The following DMD variants were observed in gnomAD, a reference collection of about 807,000 sequenced individuals.
DMD encodes the protein dystrophin.
In DMD, 63 loss-of-function variants were observed where a neutral mutation model predicts 330.1. The observed-to-expected ratio is 0.19, with a 90% CI of 0.16 to 0.24. The LOEUF (loss-of-function observed/expected upper bound fraction) is 0.24. DMD is among the 10% of genes least tolerant of loss of function. DMD has a pLI of 1.00. For synonymous variants in DMD, 1,223 were observed against 959.8 expected (o/e 1.27, Z -5.07); for missense variants, 3,344 against 2,684.1 (o/e 1.25, Z -5.43).
intron 1 of DMD, among the ~76,000 whole-genome samples, chrX:33,081,873 C>T (rs1318295103): frequency 9.0e-6 from 1 of 110,822 alleles, no homozygotes; most frequent in Non-Finnish European, 1.9e-5. Flanking sequence ...TCAAAACCAT[C>T]AGATAACACA....
chrX:33,217,946 C>T (rs2052088700), intron 1 of DMD, among the ~76,000 whole-genome samples: 1 of 111,300 alleles, frequency 9.0e-6, no homozygotes, highest in Non-Finnish European at 1.9e-5. Context: ...CATTTTTACA[C>T]TAGCTAGAAC....
chrX:32,374,487 G>A (rs2097893379), intron 34 of DMD, among the ~76,000 whole-genome samples: 1 of 111,468 alleles, frequency 9.0e-6, no homozygotes, highest in South Asian at 3.7e-4. Flanking sequence ...TGTATATGGT[G>A]AAAGGTAGGG....
At chrX:32,826,416 G>T (rs1043189259) in intron 4 of DMD, among the ~76,000 whole-genome samples, 1 of 111,230 alleles carries the variant, frequency 9.0e-6, no homozygotes, top group Non-Finnish European at 1.9e-5. Flanking sequence ...TCAAAATAGC[G>T]AAGATAGGAA....
chrX:31,729,515 T>C, intron 52 of DMD, 116 bp downstream of exon 52: 1 of 606,796 alleles, frequency 1.6e-6, no homozygotes, highest in Admixed American at 2.2e-5. Context: ...ATTGTTATCA[T>C]TTACAATTAT....
intron 16 of DMD, among the ~76,000 whole-genome samples, chrX:32,549,102 G>A (rs1158308141): frequency 9.0e-6 from 1 of 111,489 alleles, no homozygotes; most frequent in African/African-American, 3.3e-5. Flanking sequence ...TAGTAAAAAT[G>A]GGAAATAGTT....
rs767466673 is a variant in DMD at position 31,363,450 on chromosome X, G to A, written c.9085-14816C>T. ...GGCTGGAGTGCAGTGGCGCCATCTC[G>A]GCTCACTGCAACTTCCGCTTCCCGG... On this transcript the variant is annotated intron_variant, in intron 60 of 78. Coordinates refer to ENST00000357033, the MANE Select transcript of DMD (RefSeq NM_004006.3). Among the ~76,000 whole-genome samples, 8 of 96,934 alleles carry A rather than the reference G, an allele frequency of 8.3e-5. No homozygotes were observed. In the East Asian group the frequency reaches 1.9e-3, roughly 24 times the overall value. The allele number at this position is 96,934 out of a possible 115,157, so 84.2% of individuals were successfully genotyped here. A position where few individuals can be genotyped will look rare whatever the true frequency, so the allele number is the denominator to read the frequency against.
chrX:32,274,848 C>A, intron 43 of DMD, among the ~76,000 whole-genome samples: 1 of 111,849 alleles, frequency 8.9e-6, no homozygotes, highest in Non-Finnish European at 1.9e-5. Flanking sequence ...TGTAAGGAGA[C>A]GCTTTGATAG....
At position 32,645,263 on chromosome X, in the gene DMD, G is replaced by T. The variant is rs751219802; in HGVS notation, c.961-111C>A. The T allele has an allele frequency of 2.4e-4, 199 of 836,382 alleles. No individual in the cohort carries two copies. In the African/African-American group the frequency reaches 3.8e-3, roughly 16 times the overall value. The allele number at this position is 836,382 out of a possible 1,213,427, so 68.9% of individuals were successfully genotyped here. A position where few individuals can be genotyped will look rare whatever the true frequency, so the allele number is the denominator to read the frequency against. On this transcript the variant is annotated intron_variant, in intron 9 of 78. Transcript: ENST00000357033. Reference sequence around the variant, plus strand: ...TTTAAAATGCTAGGACTGTCCACTGGCATTATCAAACACAGGAACAGCAGA... The same window carrying T: ...TTTAAAATGCTAGGACTGTCCACTGTCATTATCAAACACAGGAACAGCAGA...
At chrX:31,912,192 C>G (rs1183794526) in intron 47 of DMD, among the ~76,000 whole-genome samples, 3 of 110,889 alleles carry the variant, frequency 2.7e-5, no homozygotes, top group Non-Finnish European at 5.7e-5. Flanking sequence ...CCGGCGAAAC[C>G]ACTACATTTG....
chrX:32,845,437 A>T (rs1027643906), intron 3 of DMD, among the ~76,000 whole-genome samples: 1 of 112,164 alleles, frequency 8.9e-6, no homozygotes, highest in Non-Finnish European at 1.9e-5. Flanking sequence ...TATACAAATT[A>T]ACTCATTTAT....
Position 31,134,155 on chromosome X carries a change from G to A in DMD, c.10961C>T (p.Thr3654Ile). 2 of 1,211,334 alleles carry A rather than the reference G, an allele frequency of 1.7e-6. No individual in the cohort carries two copies. The highest frequency in any genetic ancestry group is 2.2e-6 in the Non-Finnish European group (2 of 895,332). The change falls in exon 77 of 79, where the codon ACA (threonine) becomes ATA (isoleucine). Residue 3654 changes from threonine (T) to isoleucine (I), a missense_variant. Physicochemically the swap from Thr to Ile is moderately conservative, Grantham distance 89. Coordinates refer to ENST00000357033, the MANE Select transcript of DMD (RefSeq NM_004006.3). ...DLLSPPQDTS[T>I]GLEEVMEQLN... ...TTGCTCCATCACCTCCTCTAACCCT[G>A]TGCTTGTGTCCTGGGGAGGACTGAG...
At chrX:32,669,820 C>A (rs952244405) in intron 9 of DMD, among the ~76,000 whole-genome samples, 3 of 111,184 alleles carry the variant, frequency 2.7e-5, no homozygotes, top group African/African-American at 9.8e-5. Context: ...CAATGCCCTT[C>A]TCTTGCCTAC....
At chrX:31,255,242 C>T (rs1223012765) in intron 63 of DMD, among the ~76,000 whole-genome samples, 2 of 111,019 alleles carry the variant, frequency 1.8e-5, no homozygotes, top group Non-Finnish European at 3.8e-5. Context: ...ATTAGTATTT[C>T]AAAATAAATT....
chrX:32,154,029 C>G (rs1970138227), intron 44 of DMD, among the ~76,000 whole-genome samples: 1 of 112,229 alleles, frequency 8.9e-6, no homozygotes, highest in Non-Finnish European at 1.9e-5. Flanking sequence ...GAATGTCAGC[C>G]TATTTTTGAA....
intron 55 of DMD, among the ~76,000 whole-genome samples, chrX:31,572,771 T>C (rs2075891434): frequency 8.9e-6 from 1 of 112,481 alleles, no homozygotes; most frequent in African/African-American, 3.2e-5. Context: ...TTACCTCACA[T>C]TCATCTCTGC....
At chrX:32,883,823 C>CCAAAAAAAAAAAAAAAAAAAAAA (rs1169678184) in intron 2 of DMD, among the ~76,000 whole-genome samples, 2 of 30,352 alleles carry the variant, frequency 6.6e-5, no homozygotes, top group African/African-American at 2.9e-4. Context: ...GACTCTGTTT[C>CCAAAAAAAAAAAAAAAAAAAAAA]AAAAAAAAAA....
intron 2 of DMD, among the ~76,000 whole-genome samples, chrX:32,880,055 G>T (rs769594933): frequency 4.5e-5 from 5 of 110,485 alleles, no homozygotes; most frequent in South Asian, 3.8e-4. Flanking sequence ...TGGTTTTTTT[G>T]AACACATTCA....
rs1357427317 is a variant in DMD at position 31,223,353 on chromosome X, A to G, written c.9287-232T>C. Reference sequence around the variant, plus strand: ...AGGAAGGCTAAGTTCTGTGAAGACTAAAGTGGTATAGCCTGAAGGGCATTC... The same window carrying G: ...AGGAAGGCTAAGTTCTGTGAAGACTGAAGTGGTATAGCCTGAAGGGCATTC... On this transcript the variant is annotated intron_variant, in intron 63 of 78. Transcript: ENST00000357033. Among the ~76,000 whole-genome samples, 14 of 112,408 alleles carry G rather than the reference A, an allele frequency of 1.2e-4. No homozygotes were observed. In the Admixed American group the frequency reaches 1.3e-3, roughly 11 times the overall value.
intron 23 of DMD, among the ~76,000 whole-genome samples, chrX:32,465,244 AATC>A (rs2098397455): frequency 8.9e-6 from 1 of 111,796 alleles, no homozygotes; most frequent in Admixed American, 9.5e-5. Flanking sequence ...ATCAGGTAAA[AATC>A]ATCATCTTTT....
Sources: allele counts gnomAD v4.1 joint callset (sites outside exome capture counted in the v4.1 genomes callset), GRCh38; gene constraint gnomAD v4.1.1; transcripts MANE v1.5; gene names NCBI Gene and HGNC (gene_info 2026-07-23, HGNC 2026-07-21).